The following EXOC6 variants were observed in gnomAD, a reference collection of about 807,000 sequenced individuals.
EXOC6 encodes the protein exocyst complex component 6, also known as SEC15-like 1.
In EXOC6, 60 loss-of-function variants were observed where a neutral mutation model predicts 112.5. The observed-to-expected ratio is 0.53, with a 90% confidence interval of 0.43 to 0.66. EXOC6 has a LOEUF of 0.66. Among genes scored for constraint, EXOC6 ranks in the 30% least tolerant of loss-of-function variants. EXOC6 has a pLI of 0.00. For synonymous variants in EXOC6, 295 were observed against 308.0 expected (o/e 0.96, Z 0.44); for missense variants, 855 against 957.1 (o/e 0.89, Z 1.41).
intron 19 of EXOC6, among the ~76,000 whole-genome samples, chr10:93,010,955 A>G (rs985410004): frequency 8.5e-5 from 13 of 152,188 alleles, no homozygotes; most frequent in African/African-American, 3.1e-4. Flanking sequence ...GTTAAATGAT[A>G]GTATCTTCAA....
At chr10:92,952,412 G>A (rs1303461771) in intron 15 of EXOC6, 30 bp downstream of exon 15, 1 of 1,319,556 alleles carries the variant, frequency 7.6e-7, no homozygotes, top group Non-Finnish European at 1.1e-6. Context: ...ATGCATTTTT[G>A]TCATAACTTT....
chr10:92,834,233 AAATTACCTCCTTGGGTTTGTGGG>A (rs1846589395), upstream of EXOC6, among the ~76,000 whole-genome samples: 1 of 152,138 alleles, frequency 6.6e-6, no homozygotes, highest in Non-Finnish European at 1.5e-5. Flanking sequence ...TTTCCTGGGC[AAATTACCTCCTTGGGTTTGTGGG>A]CAAGCCCTTG....
chr10:92,886,053 A>G (rs1416415602), intron 1 of EXOC6, among the ~76,000 whole-genome samples: 11 of 152,178 alleles, frequency 7.2e-5, no homozygotes, highest in Non-Finnish European at 5.9e-5. Context: ...GGAGACTGAA[A>G]GAACGAAAAA....
chr10:92,880,852 A>G (rs1042075394), intron 1 of EXOC6, among the ~76,000 whole-genome samples: 10 of 152,160 alleles, frequency 6.6e-5, no homozygotes, highest in Non-Finnish European at 8.8e-5. Flanking sequence ...GCCAAAAGGG[A>G]AAAAAATGGA....
rs1222049733 is a variant in EXOC6, at chr10:92,999,532, A to C, written c.2095+1917A>C. 9 of 226,184 alleles carry C rather than the reference A, an allele frequency of 4.0e-5. No homozygotes were observed. In the East Asian group the frequency reaches 1.4e-3, roughly 35 times the overall value. 14.0% of individuals were successfully genotyped at this position (226,184 alleles called of 1,614,324 possible). On this transcript the variant is annotated intron_variant, in intron 19 of 21. Coordinates refer to ENST00000260762, the MANE Select transcript of EXOC6 (RefSeq NM_019053.6). Reference sequence around the variant, plus strand: ...GCTCAAGACATTTTCGTGTTACAGTAGTCCCTCTTATCCACAGTTTTGCTT... The same window carrying C: ...GCTCAAGACATTTTCGTGTTACAGTCGTCCCTCTTATCCACAGTTTTGCTT...
intron 13 of EXOC6, among the ~76,000 whole-genome samples, chr10:92,943,095 C>A (rs963033955): frequency 6.6e-6 from 1 of 151,166 alleles, no homozygotes; most frequent in Non-Finnish European, 1.5e-5. Flanking sequence ...GACCTCGGCT[C>A]ACTGCAATCT....
chr10:92,860,200 A>G (rs1016062227), intron 1 of EXOC6, among the ~76,000 whole-genome samples: 3 of 151,618 alleles, frequency 2.0e-5, no homozygotes, highest in African/African-American at 7.3e-5. Flanking sequence ...ATTTCTACAT[A>G]TAAAGTTATT....
intron 17 of EXOC6, among the ~76,000 whole-genome samples, chr10:92,957,144 G>A (rs1415292578): frequency 2.0e-5 from 3 of 152,116 alleles, no homozygotes; most frequent in African/African-American, 4.8e-5. Context: ...TAGCTTTTAT[G>A]TTAGATTTTA....
chr10:93,007,725 C>G (rs974491989), intron 19 of EXOC6, among the ~76,000 whole-genome samples: 2 of 152,118 alleles, frequency 1.3e-5, no homozygotes, highest in Admixed American at 1.3e-4. Flanking sequence ...CACAGCTTAC[C>G]CCGCATACAT....
intron 1 of EXOC6, among the ~76,000 whole-genome samples, chr10:92,878,462 G>A (rs745905712): frequency 7.2e-5 from 11 of 152,046 alleles, no homozygotes; most frequent in Non-Finnish European, 1.3e-4. Flanking sequence ...TGGACTTTCC[G>A]CATGCCCAGT....
intron 20 of EXOC6, among the ~76,000 whole-genome samples, chr10:93,015,831 T>C (rs938465181): frequency 1.3e-5 from 2 of 152,246 alleles, no homozygotes; most frequent in Admixed American, 1.3e-4. Context: ...CTCCAAATTA[T>C]GTCTGTAAAG....
intron 12 of EXOC6, among the ~76,000 whole-genome samples, chr10:92,936,688 AT>A (rs1852363195): frequency 6.6e-6 from 1 of 152,244 alleles, no homozygotes; most frequent in Non-Finnish European, 1.5e-5. Flanking sequence ...TAAAAGCAAT[AT>A]CACCGGCAAG....
intron 20 of EXOC6, among the ~76,000 whole-genome samples, chr10:93,044,369 GAGTAA>G (rs1845914094): frequency 1.3e-5 from 2 of 152,088 alleles, no homozygotes; most frequent in African/African-American, 4.8e-5. Flanking sequence ...TTAATTGTTT[GAGTAA>G]AGATTATAAA....
At chr10:92,906,231 A>G (rs753715349) in intron 5 of EXOC6, among the ~76,000 whole-genome samples, 7 of 152,114 alleles carry the variant, frequency 4.6e-5, no homozygotes, top group Non-Finnish European at 5.9e-5. Flanking sequence ...TTATGTCTGT[A>G]CATTGGAAGT....
At chr10:93,044,115 A>G (rs1287897130) in intron 20 of EXOC6, among the ~76,000 whole-genome samples, 2 of 152,220 alleles carry the variant, frequency 1.3e-5, no homozygotes, top group African/African-American at 4.8e-5. Flanking sequence ...TAGTTTGATA[A>G]CTGCCTTTTT....
chr10:92,980,882 C>G (rs1842801999), intron 18 of EXOC6, among the ~76,000 whole-genome samples: 1 of 152,046 alleles, frequency 6.6e-6, no homozygotes, highest in South Asian at 2.1e-4. Flanking sequence ...ATTGTTTTAG[C>G]TGGGCATGGT....
At chr10:92,920,712 T>C (rs1851385570) in intron 8 of EXOC6, among the ~76,000 whole-genome samples, 1 of 152,248 alleles carries the variant, frequency 6.6e-6, no homozygotes. Context: ...AACTGTTGAA[T>C]TGTCCATTTT....
intron 13 of EXOC6, among the ~76,000 whole-genome samples, chr10:92,942,151 G>A (rs1293798659): frequency 6.6e-6 from 1 of 152,168 alleles, no homozygotes; most frequent in Non-Finnish European, 1.5e-5. Context: ...AGCACTTTGG[G>A]AGGCCAAGAT....
At position 92,930,525 on chromosome 10, in the gene EXOC6, T is replaced by TAAA. The variant is rs71481196; in HGVS notation, c.972+2104_972+2106dup. Among the ~76,000 whole-genome samples, 790 of 150,808 alleles carry TAAA rather than the reference T, an allele frequency of 5.2e-3. 55 individuals are homozygous for TAAA. The highest frequency in any genetic ancestry group is 0.018 in the African/African-American group (731 of 40,970). On this transcript the variant is annotated intron_variant, in intron 9 of 21. Transcript: ENST00000260762. Reference sequence around the variant, plus strand: ...TCTCAAATAATAATAATAATAATAATAAATAGAAAAAGCTTGAAATCATAC... The same window carrying TAAA: ...TCTCAAATAATAATAATAATAATAATAAAAAATAGAAAAAGCTTGAAATCATAC...
Sources: gnomAD v4.1 joint callset for allele counts (sites outside exome capture counted in the v4.1 genomes callset) on GRCh38, gnomAD v4.1.1 for gene constraint, MANE v1.5 for transcripts, NCBI Gene and HGNC (gene_info 2026-07-23, HGNC 2026-07-21) for gene names.